CAPN1: variants seen among roughly 807,000 people sequenced by gnomAD.
The protein encoded by CAPN1 is calpain 1.
In CAPN1, 77 loss-of-function variants were observed where a neutral mutation model predicts 105.2. The observed-to-expected ratio is 0.73, with a 90% confidence interval of 0.61 to 0.88. The LOEUF (loss-of-function observed/expected upper bound fraction) is 0.88. CAPN1 is among the 40% of genes least tolerant of loss of function. CAPN1 has a pLI of 0.00. For missense variants in CAPN1, 833 were observed against 976.6 expected (o/e 0.85, Z 1.96); for synonymous variants, 355 against 388.8 (o/e 0.91, Z 1.02).
intron 10 of CAPN1, among the ~76,000 whole-genome samples, chr11:65,203,855 C>G (rs1412290445): frequency 6.6e-6 from 1 of 151,938 alleles, no homozygotes; most frequent in Non-Finnish European, 1.5e-5. Context: ...CACATCCTCA[C>G]CCAAGTTGTT....
At position 65,182,706 on chromosome 11, in the gene CAPN1, C is replaced by A; in HGVS notation, c.5C>A (p.Ser2Ter). 6.4e-7 allele frequency: 1 copy of A among 1,561,542 alleles called. No individual in the cohort carries two copies. ...CAGGCCCATCTGTCCGGCAGGATGT[C>A]GGAGGAGATCATCACGCCGGTGTAC... M[S>*]EEIITPVYCT... Residue 2 changes from serine (S) to a stop codon, truncating the protein, a stop_gained, in exon 2 of 22, where the codon TCG becomes TAG. Transcript: ENST00000279247. LOFTEE classifies it high-confidence loss of function.
chr11:65,186,787 A>C (rs1198788191), intron 6 of CAPN1, among the ~76,000 whole-genome samples: 1 of 152,078 alleles, frequency 6.6e-6, no homozygotes, highest in African/African-American at 2.4e-5. Flanking sequence ...ACTTGACCCC[A>C]GTATCACTGC....
chr11:65,182,802 C>A lies in CAPN1; in HGVS notation c.101C>A (p.Ala34Asp). The A allele has an allele frequency of 6.3e-7, 1 of 1,587,612 alleles. No individual in the cohort carries two copies. Residue 34 changes from alanine (A) to aspartate (D), a missense_variant, in exon 2 of 22, where the codon GCC becomes GAC. Coordinates refer to ENST00000279247, the MANE Select transcript of CAPN1 (RefSeq NM_005186.4). Reference sequence around the variant, plus strand: ...CTGGGCCTGGGCCGCCATGAGAATGCCATCAAGTACCTGGGCCAGGATTAT... The same window carrying A: ...CTGGGCCTGGGCCGCCATGAGAATGACATCAAGTACCTGGGCCAGGATTAT... The part of the protein sequence containing the change: ...RELGLGRHEN[A>D]IKYLGQDYEQ...
chr11:65,204,582 G>A (rs74493574), intron 10 of CAPN1, 101 bp from the exon 11 acceptor site: 12 of 1,045,170 alleles, frequency 1.1e-5, no homozygotes, highest in Middle Eastern at 2.7e-4. Flanking sequence ...AATATTTGTT[G>A]AATGAATGAA....
intron 10 of CAPN1, among the ~76,000 whole-genome samples, chr11:65,199,169 G>T (rs1176890879): frequency 1.3e-5 from 2 of 152,228 alleles, no homozygotes; most frequent in South Asian, 2.1e-4. Context: ...TTTAGCAAGG[G>T]TCTGTTGGTT....
chr11:65,206,220 G>C (rs1403156135), intron 12 of CAPN1: 2 of 586,284 alleles, frequency 3.4e-6, no homozygotes, highest in Non-Finnish European at 6.1e-6. Context: ...TGAAACACAT[G>C]CCTAATCTGC....
Position 65,210,302 on chromosome 11 carries a change from G to C in CAPN1, c.1943-34G>C, listed in dbSNP as rs199838685. ...CCCCATCCTGTTGGGCAGGGGCTGC[G>C]CCTCACTGACCTTCACTCACTCTCC... On this transcript the variant is annotated intron_variant, in intron 19 of 21. Transcript: ENST00000279247. This position sits in a 1 kb window ranked among gnomAD's most constrained non-coding sequence, Gnocchi z 4.3. The C allele has an allele frequency of 6.0e-5, 88 of 1,478,590 alleles. No individual in the cohort carries two copies. The allele number at this position is 1,478,590 out of a possible 1,614,324, so 91.6% of individuals were successfully genotyped here. A position where few individuals can be genotyped will look rare whatever the true frequency, so the allele number is the denominator to read the frequency against.
At chr11:65,187,780 G>T in intron 7 of CAPN1, 175 bp from the exon 8 acceptor site, 1 of 540,442 alleles carries the variant, frequency 1.9e-6, no homozygotes, top group Non-Finnish European at 3.4e-6. Context: ...CCAGCTATTT[G>T]GGAGGCTGAG....
chr11:65,189,304 C>T (rs111768723), intron 10 of CAPN1, among the ~76,000 whole-genome samples: 1,545 of 152,228 alleles, frequency 0.01, 19 homozygotes, highest in African/African-American at 0.034. Context: ...TACAGGCGTG[C>T]GCCACTGTGC....
At chr11:65,204,570 A>G (rs1434657299) in intron 10 of CAPN1, 113 bp from the exon 11 acceptor site, 11 of 972,410 alleles carry the variant, frequency 1.1e-5, no homozygotes, top group East Asian at 5.2e-5. Context: ...CAGGTGCTCA[A>G]TAATATTTGT....
chr11:65,204,934 G>C, intron 11 of CAPN1, 76 bp downstream of exon 11: 11 of 1,313,120 alleles, frequency 8.4e-6, no homozygotes, highest in Non-Finnish European at 1.2e-5. Context: ...AGTGCAGGCG[G>C]GCTTCCACCA....
In CAPN1 at chr11:65,187,945, T is replaced by A; in HGVS notation, c.844-10T>A. The stretch of plus-strand genomic sequence containing the variant: ...TGGAAGCTAGCACTGACAGGAGCTC[T>A]GGCAAATAGGTGAACTACCGAGGCC... On this transcript the variant is annotated splice_polypyrimidine_tract_variant and intron_variant, in intron 7 of 21. Transcript: ENST00000279247. 6.5e-7 allele frequency: 1 copy of A among 1,548,088 alleles called. No individual in the cohort carries two copies. Among genetic ancestry groups the A allele is most frequent in the Non-Finnish European group, 8.7e-7 (1 of 1,144,200 alleles).
Position 65,205,732 on chromosome 11 carries a change from C to T in CAPN1, c.1353+11C>T. ...CAGGTCCCTCCGGAGGTAGGTGTGG[C>T]ACCATGACCCACCTGCAGTCACACA... On this transcript the variant is annotated intron_variant, in intron 12 of 21. Transcript: ENST00000279247. The T allele has an allele frequency of 6.2e-7, 1 of 1,613,030 alleles. No individual in the cohort carries two copies. The highest frequency in any genetic ancestry group is 8.5e-7 in the Non-Finnish European group (1 of 1,179,124).
At chr11:65,187,898 G>GAAA in intron 7 of CAPN1, 57 bp from the exon 8 acceptor site, 79 of 1,075,442 alleles carry the variant, frequency 7.3e-5, no homozygotes, top group Middle Eastern at 2.4e-4. Flanking sequence ...TCTCAAAAAA[G>GAAA]AAAAAAAAAA....
At position 65,210,270 on chromosome 11, in the gene CAPN1, A is replaced by G; in HGVS notation, c.1943-66A>G. 7.8e-7 allele frequency: 1 copy of G among 1,278,578 alleles called. No homozygotes were observed. Among genetic ancestry groups the G allele is most frequent in the African/African-American group, 1.5e-5 (1 of 67,868 alleles). 79.2% of individuals were successfully genotyped at this position (1,278,578 alleles called of 1,614,324 possible). A position where few individuals can be genotyped will look rare whatever the true frequency, so the allele number is the denominator to read the frequency against. Reference sequence around the variant, plus strand: ...GCCCCAGCCCCCTCCTGGGGACCCAACCCCTCCCCCATCCTGTTGGGCAGG... The same window carrying G: ...GCCCCAGCCCCCTCCTGGGGACCCAGCCCCTCCCCCATCCTGTTGGGCAGG... On this transcript the variant is annotated intron_variant, in intron 19 of 21. Transcript: ENST00000279247. The surrounding 1 kb of genome is among the most constrained non-coding windows in gnomAD (Gnocchi z 4.3).
rs763111309 is a variant in CAPN1 at position 65,210,778 on chromosome 11, T to C, written c.2060-36T>C. Reference sequence around the variant, plus strand: ...GGCCCTGCGTGAATATCCCACTGAGTTTTCAGCCCTGTATCACCTTTTCTT... The same window carrying C: ...GGCCCTGCGTGAATATCCCACTGAGCTTTCAGCCCTGTATCACCTTTTCTT... On this transcript the variant is annotated intron_variant, in intron 20 of 21. Transcript: ENST00000279247. This position sits in a 1 kb window ranked among gnomAD's most constrained non-coding sequence, Gnocchi z 4.3. 1 of 1,578,436 alleles carries C rather than the reference T, an allele frequency of 6.3e-7. No individual in the cohort carries two copies. The highest frequency in any genetic ancestry group is 8.7e-7 in the Non-Finnish European group (1 of 1,148,178).
intron 10 of CAPN1, among the ~76,000 whole-genome samples, chr11:65,200,363 G>C (rs140900038): frequency 1.3e-5 from 2 of 151,536 alleles, no homozygotes; most frequent in East Asian, 3.9e-4. Context: ...TTTTTTTTTG[G>C]AGATGGACTC....
Position 65,210,967 on chromosome 11 carries a change from C to T in CAPN1, c.2118+95C>T. On this transcript the variant is annotated intron_variant, in intron 21 of 21. Coordinates refer to ENST00000279247, the MANE Select transcript of CAPN1 (RefSeq NM_005186.4). This position sits in a 1 kb window ranked among gnomAD's most constrained non-coding sequence, Gnocchi z 4.3. The stretch of plus-strand genomic sequence containing the variant: ...TTCCCTGTCCTTTCCTGGAAATGAG[C>T]CTGGGCCTCAGAGCCAACCCTGAAG... 1.7e-6 allele frequency: 2 copies of T among 1,177,522 alleles called. No individual in the cohort carries two copies. Among genetic ancestry groups the T allele is most frequent in the South Asian group, 1.2e-5 (1 of 81,214 alleles). 72.9% of individuals were successfully genotyped at this position (1,177,522 alleles called of 1,614,324 possible). A position where few individuals can be genotyped will look rare whatever the true frequency, so the allele number is the denominator to read the frequency against.
rs1948926098 is a variant in CAPN1, at chr11:65,204,761, C to T, written c.1244C>T (p.Ser415Leu). The T allele has an allele frequency of 6.2e-7, 1 of 1,613,170 alleles. No individual in the cohort carries two copies. Among genetic ancestry groups the T allele is most frequent in the Non-Finnish European group, 8.5e-7 (1 of 1,179,876 alleles). Reference protein sequence around the residue: ...DDPDDYGDRESGCSFVLALMQ... With the variant: ...DDPDDYGDRELGCSFVLALMQ... ...CCGGACGACTACGGGGACCGCGAGT[C>T]AGGCTGCAGCTTCGTGCTCGCCCTT... The change falls in exon 11 of 22, where the codon TCA (serine) becomes TTA (leucine). Residue 415 changes from serine (S) to leucine (L), a missense_variant. Transcript: ENST00000279247.
Sources: allele counts gnomAD v4.1 joint callset (sites outside exome capture counted in the v4.1 genomes callset), GRCh38; gene constraint gnomAD v4.1.1; non-coding constraint Gnocchi (gnomAD v3.1); transcripts MANE v1.5; gene names NCBI Gene and HGNC (gene_info 2026-07-23, HGNC 2026-07-21).